WDR49: variants seen among roughly 807,000 people sequenced by gnomAD.
WDR49 encodes the protein WD repeat domain 49, also known as cilia- and flagella-associated protein 337.
Under a neutral mutation model 119.5 loss-of-function variants are expected in WDR49, and 107 were observed. The observed-to-expected ratio is 0.90, with a 90% CI of 0.77 to 1.05. The LOEUF (loss-of-function observed/expected upper bound fraction) is 1.05. WDR49 is among the 50% of genes least tolerant of loss of function. The pLI is 0.00. For synonymous variants in WDR49, 425 were observed against 418.8 expected (o/e 1.01, Z -0.18); for missense variants, 1,240 against 1,220.5 (o/e 1.02, Z -0.24).
chr3:167,554,399 G>A (rs1424962687), intron 10 of WDR49, among the ~76,000 whole-genome samples: 3 of 152,080 alleles, frequency 2.0e-5, no homozygotes, highest in Non-Finnish European at 4.4e-5. Flanking sequence ...CCTAGGAAGT[G>A]GTAATACATC....
intron 5 of WDR49, among the ~76,000 whole-genome samples, chr3:167,604,747 C>A (rs578054608): frequency 6.6e-6 from 1 of 152,104 alleles, no homozygotes; most frequent in East Asian, 1.9e-4. Flanking sequence ...GTAGAACCTT[C>A]AAGAATGGTA....
At chr3:167,489,192 A>G (rs1429773535) in intron 18 of WDR49, among the ~76,000 whole-genome samples, 1 of 152,060 alleles carries the variant, frequency 6.6e-6, no homozygotes, top group African/African-American at 2.4e-5. Flanking sequence ...ATATATCCCT[A>G]GCACCCAGCA....
chr3:167,625,979 T>C (rs2108326349), intron 3 of WDR49, among the ~76,000 whole-genome samples: 1 of 151,338 alleles, frequency 6.6e-6, no homozygotes, highest in East Asian at 1.9e-4. Flanking sequence ...AAGAGACATA[T>C]TAACCATTCA....
chr3:167,642,321 A>C (rs1717918077), intron 2 of WDR49, among the ~76,000 whole-genome samples: 1 of 151,970 alleles, frequency 6.6e-6, no homozygotes, highest in African/African-American at 2.4e-5. Flanking sequence ...ATAAGTCTTG[A>C]ATTTTACTTT....
At chr3:167,537,794 G>C (rs563139954) in intron 10 of WDR49, among the ~76,000 whole-genome samples, 2 of 152,046 alleles carry the variant, frequency 1.3e-5, no homozygotes, top group Non-Finnish European at 2.9e-5. Flanking sequence ...TAAGCCTCTT[G>C]TTCCTTCTAG....
At chr3:167,528,929 A>C in intron 14 of WDR49, 123 bp downstream of exon 14, 1 of 638,384 alleles carries the variant, frequency 1.6e-6, no homozygotes, top group Non-Finnish European at 2.3e-6. Context: ...TGTTTTATTT[A>C]AAACACTTAG....
At chr3:167,540,014 T>C (rs1711686886) in intron 10 of WDR49, among the ~76,000 whole-genome samples, 1 of 152,308 alleles carries the variant, frequency 6.6e-6, no homozygotes, top group South Asian at 2.1e-4. Flanking sequence ...AACAGGTTGC[T>C]GCAAATTCCA....
chr3:167,537,575 G>T (rs1711537369), intron 10 of WDR49, among the ~76,000 whole-genome samples: 1 of 152,064 alleles, frequency 6.6e-6, no homozygotes. Flanking sequence ...GTAGGACATA[G>T]GACAGATACA....
chr3:167,604,516 C>A, intron 5 of WDR49, 48 bp from the exon 6 acceptor site: 2 of 1,494,364 alleles, frequency 1.3e-6, no homozygotes, highest in Middle Eastern at 1.9e-4. Context: ...TGATTCTTCA[C>A]AAGATATTAG....
At chr3:167,551,167 C>G (rs1408224338) in intron 10 of WDR49, among the ~76,000 whole-genome samples, 1 of 151,962 alleles carries the variant, frequency 6.6e-6, no homozygotes, top group Non-Finnish European at 1.5e-5. Context: ...TGCTTAGACC[C>G]AAACATTCAT....
At chr3:167,625,923 C>CAAAAAAAAAAAAAAAA (rs755478227) in intron 3 of WDR49, among the ~76,000 whole-genome samples, 1 of 77,170 alleles carries the variant, frequency 1.3e-5, no homozygotes. Context: ...CCAAAATTTG[C>CAAAAAAAAAAAAAAAA]AAAAAAAAAA....
intron 5 of WDR49, among the ~76,000 whole-genome samples, chr3:167,618,760 T>C (rs1190493238): frequency 6.6e-6 from 1 of 152,160 alleles, no homozygotes; most frequent in Non-Finnish European, 1.5e-5. Flanking sequence ...CTAAACTAAA[T>C]TCCCATGTTC....
chr3:167,654,981 A>C (rs560443635), upstream of WDR49, among the ~76,000 whole-genome samples: 2 of 152,254 alleles, frequency 1.3e-5, no homozygotes, highest in Admixed American at 6.5e-5. Flanking sequence ...ATGGCTCCCA[A>C]ACTTCAGATA....
At chr3:167,536,469 A>G (rs1372251837) in intron 11 of WDR49, among the ~76,000 whole-genome samples, 3 of 151,808 alleles carry the variant, frequency 2.0e-5, no homozygotes, top group African/African-American at 4.8e-5. Flanking sequence ...GCTTGAGCTC[A>G]GGAGTTTGAG....
chr3:167,549,356 T>G (rs1321110834), intron 10 of WDR49, among the ~76,000 whole-genome samples: 2 of 152,206 alleles, frequency 1.3e-5, no homozygotes, highest in African/African-American at 2.4e-5. Context: ...CAGCACCTGT[T>G]GTTTCCTGAC....
rs145542762 is a variant in WDR49, at chr3:167,563,826, GCTAT to G, written c.1510-3602_1510-3599del. Among the ~76,000 whole-genome samples the G allele has an allele frequency of 6.2e-3, 941 of 152,266 alleles. 12 individuals are homozygous for G. The highest frequency in any genetic ancestry group is 0.022 in the African/African-American group (907 of 41,550). On this transcript the variant is annotated intron_variant, in intron 8 of 18. Transcript: ENST00000682715. ...TTGTTAACTGTAGTCACCATATAGTGCTATAGAACACTAGAACTTATTCTTCTGA... is the reference window on the plus strand; with the variant it reads ...TTGTTAACTGTAGTCACCATATAGTGAGAACACTAGAACTTATTCTTCTGA...
intron 10 of WDR49, among the ~76,000 whole-genome samples, chr3:167,545,568 G>A (rs1317233854): frequency 7.0e-6 from 1 of 143,646 alleles, no homozygotes; most frequent in African/African-American, 2.5e-5. Flanking sequence ...ATAGCAACCA[G>A]GATGGAGTTA....
intron 7 of WDR49, among the ~76,000 whole-genome samples, chr3:167,586,439 A>G (rs1171675344): frequency 2.0e-5 from 3 of 152,202 alleles, no homozygotes; most frequent in Non-Finnish European, 4.4e-5. Context: ...ATAGCAATAG[A>G]GAAGATTTCC....
chr3:167,652,653 GT>G (rs903286435), intron 2 of WDR49, among the ~76,000 whole-genome samples: 1 of 152,094 alleles, frequency 6.6e-6, no homozygotes, highest in African/African-American at 2.4e-5. Flanking sequence ...AATTCCTATG[GT>G]TTATTTTTTA....
Sources: gnomAD v4.1 joint callset for allele counts (sites outside exome capture counted in the v4.1 genomes callset) on GRCh38, gnomAD v4.1.1 for gene constraint, MANE v1.5 for transcripts, NCBI Gene and HGNC (gene_info 2026-07-23, HGNC 2026-07-21) for gene names.